The following TBCK variants were observed in gnomAD, a reference collection of about 807,000 sequenced individuals.
The protein encoded by TBCK is TBC1 domain containing kinase, also known as TBC domain-containing protein kinase-like protein.
TBCK carries 99 observed loss-of-function variants against 113.4 expected under a neutral mutation model. That is an observed-to-expected ratio of 0.87 (90% confidence interval 0.74 to 1.03). The LOEUF (loss-of-function observed/expected upper bound fraction) is 1.03, where lower values mean the gene tolerates loss of function less well. TBCK is among the 50% of genes least tolerant of loss of function. TBCK has a pLI of 0.00. For missense variants in TBCK, 1,045 were observed against 1,061.3 expected, an observed-to-expected ratio of 0.98 and a Z score of 0.21; for synonymous variants, 369 against 370.8, an observed-to-expected ratio of 1.00 and a Z score of 0.05.
intron 22 of TBCK, chr4:106,182,419 G>C (rs186979617): frequency 6.6e-6 from 1 of 152,152 alleles, no homozygotes; most frequent in Non-Finnish European, 1.5e-5. Flanking sequence ...AATAGGAGTG[G>C]TGAGAGAGGG....
Position 106,124,908 on chromosome 4 carries a change from G to A in TBCK, c.2236-8530C>T, listed in dbSNP as rs566707206. Among the ~76,000 whole-genome samples the A allele has an allele frequency of 5.9e-4, 90 of 151,300 alleles. 3 individuals carry two copies. Among genetic ancestry groups the A allele is most frequent in the Admixed American group, 1.7e-3 (26 of 15,138 alleles). On this transcript the variant is annotated intron_variant, in intron 23 of 25. Coordinates refer to ENST00000394708, the MANE Select transcript of TBCK (RefSeq NM_001163435.3). Reference sequence around the variant, plus strand: ...GGAGATATACCTAATGCTAGATGACGAGTTAGTGGGTGCAGCGCACCAGCA... The same window carrying A: ...GGAGATATACCTAATGCTAGATGACAAGTTAGTGGGTGCAGCGCACCAGCA...
intron 20 of TBCK, among the ~76,000 whole-genome samples, chr4:106,195,890 T>A (rs1248629149): frequency 6.6e-6 from 1 of 152,058 alleles, no homozygotes; most frequent in Non-Finnish European, 1.5e-5. Flanking sequence ...ATCTCCTCTA[T>A]CTATGTTTAT....
chr4:106,312,306 TAA>T (rs1768283322), intron 1 of TBCK, among the ~76,000 whole-genome samples: 1 of 152,006 alleles, frequency 6.6e-6, no homozygotes, highest in Non-Finnish European at 1.5e-5. Context: ...CATAAATAGG[TAA>T]AAGTCACAAA....
intron 23 of TBCK, among the ~76,000 whole-genome samples, chr4:106,166,970 T>C (rs1750440498): frequency 6.6e-6 from 1 of 150,674 alleles, no homozygotes; most frequent in South Asian, 2.1e-4. Flanking sequence ...TTCATTAAAC[T>C]CGGGAACAAG....
At chr4:106,113,725 C>T (rs756286336) in intron 24 of TBCK, among the ~76,000 whole-genome samples, 28 of 152,288 alleles carry the variant, frequency 1.8e-4, no homozygotes, top group African/African-American at 4.3e-4. Flanking sequence ...GAAGACTGAG[C>T]GAATCTGCTC....
intron 25 of TBCK, among the ~76,000 whole-genome samples, chr4:106,079,476 A>T (rs893082889): frequency 2.0e-5 from 3 of 152,210 alleles, no homozygotes; most frequent in African/African-American, 7.2e-5. Context: ...TCAGGACACA[A>T]AATAAATGTA....
chr4:106,114,572 C>G (rs1229419503), intron 24 of TBCK, among the ~76,000 whole-genome samples: 6 of 152,182 alleles, frequency 3.9e-5, no homozygotes, highest in Non-Finnish European at 7.3e-5. Context: ...GGTCTATAAG[C>G]AGCCAGGTCC....
chr4:106,184,146 A>G (rs563294734), intron 22 of TBCK, among the ~76,000 whole-genome samples: 4 of 152,094 alleles, frequency 2.6e-5, no homozygotes, highest in East Asian at 3.9e-4. Flanking sequence ...GTCACTAAAA[A>G]TCTCTAACAG....
chr4:106,133,742 G>T (rs1746227842), intron 23 of TBCK, among the ~76,000 whole-genome samples: 1 of 152,222 alleles, frequency 6.6e-6, no homozygotes, highest in Admixed American at 6.5e-5. Flanking sequence ...TGGTCGTGAT[G>T]GCTCACGCCT....
At chr4:106,054,246 T>A (rs1735146019) in intron 25 of TBCK, among the ~76,000 whole-genome samples, 1 of 151,696 alleles carries the variant, frequency 6.6e-6, no homozygotes, top group Admixed American at 6.6e-5. Flanking sequence ...TAATCTCATC[T>A]CCCAGTCCAA....
chr4:106,316,525 A>C, upstream of TBCK: 1 of 1,551,554 alleles, frequency 6.4e-7, no homozygotes, highest in African/African-American at 1.4e-5. Flanking sequence ...TCACTGCTAT[A>C]GTACGCGGGT....
intron 20 of TBCK, among the ~76,000 whole-genome samples, chr4:106,207,495 C>T (rs1306903298): frequency 6.6e-6 from 1 of 152,034 alleles, no homozygotes; most frequent in Non-Finnish European, 1.5e-5. Context: ...AAAGGTAGAA[C>T]ATTAAAGACA....
At chr4:106,106,443 C>A (rs914192443) in intron 24 of TBCK, among the ~76,000 whole-genome samples, 2 of 152,144 alleles carry the variant, frequency 1.3e-5, no homozygotes, top group Admixed American at 1.3e-4. Flanking sequence ...AACAGCAGAC[C>A]TCTCAGCTGA....
intron 2 of TBCK, among the ~76,000 whole-genome samples, chr4:106,307,943 TAA>T (rs1329162084): frequency 1.3e-5 from 2 of 152,002 alleles, no homozygotes; most frequent in Non-Finnish European, 2.9e-5. Context: ...GGCTGCTATA[TAA>T]AAAGACTAAT....
At chr4:106,093,759 T>C (rs1192442731) in intron 25 of TBCK, among the ~76,000 whole-genome samples, 1 of 152,186 alleles carries the variant, frequency 6.6e-6, no homozygotes, top group Non-Finnish European at 1.5e-5. Flanking sequence ...TAAAATAACC[T>C]GTACAACAAA....
At chr4:106,205,128 T>C (rs1325865015) in intron 20 of TBCK, among the ~76,000 whole-genome samples, 1 of 152,218 alleles carries the variant, frequency 6.6e-6, no homozygotes, top group Non-Finnish European at 1.5e-5. Context: ...TGAGAGCTTT[T>C]AGGCGAAGAT....
At chr4:106,161,022 A>T (rs1468420362) in intron 23 of TBCK, among the ~76,000 whole-genome samples, 1 of 152,032 alleles carries the variant, frequency 6.6e-6, no homozygotes, top group East Asian at 1.9e-4. Flanking sequence ...ACAGAAGTAG[A>T]ATTGTGGTTG....
In TBCK at chr4:106,212,782, T is replaced by C. The variant is rs1057341060; in HGVS notation, c.1828A>G (p.Asn610Asp). 1.9e-6 allele frequency: 3 copies of C among 1,612,656 alleles called. No individual in the cohort carries two copies. Among genetic ancestry groups the C allele is most frequent in the Non-Finnish European group, 8.5e-7 (1 of 1,179,242 alleles). ...ATGAAACCAATCTCATTGAGATGAT[T>C]ACTCAGCTCTGGATCATGAAATGCA... ...MIAFHDPELS[N>D]HLNEIGFIPD... The change falls in exon 20 of 26, where the codon AAT (asparagine) becomes GAT (aspartate). Residue 610 changes from asparagine to aspartate, a missense_variant. Coordinates refer to ENST00000394708, the MANE Select transcript of TBCK (RefSeq NM_001163435.3).
intron 1 of TBCK, among the ~76,000 whole-genome samples, chr4:106,314,616 ATTTTTT>A (rs869091052): frequency 2.0e-5 from 2 of 102,058 alleles, no homozygotes; most frequent in East Asian, 3.1e-4. Context: ...ATACTACTTG[ATTTTTT>A]TTTTTTTTTT....
Sources: gnomAD v4.1 joint callset for allele counts (sites outside exome capture counted in the v4.1 genomes callset) on GRCh38, gnomAD v4.1.1 for gene constraint, MANE v1.5 for transcripts, NCBI Gene and HGNC (gene_info 2026-07-23, HGNC 2026-07-21) for gene names.